The following CSMD1 variants were observed in gnomAD, a reference collection of about 807,000 sequenced individuals.
CSMD1 encodes the protein CUB and sushi domain-containing protein 1.
CSMD1 carries 213 observed loss-of-function variants against 417.5 expected under a neutral mutation model. The observed-to-expected ratio is 0.51, with a 90% CI of 0.46 to 0.57. The LOEUF is 0.57. CSMD1 is among the 20% of genes least tolerant of loss of function. CSMD1 has a pLI of 0.00. For synonymous variants in CSMD1, 2,862 were observed against 1,736.8 expected (o/e 1.65, Z -16.11); for missense variants, 6,923 against 4,529.7 (o/e 1.53, Z -15.17).
At chr8:3,320,838 C>T (rs1461773254) in intron 23 of CSMD1, among the ~76,000 whole-genome samples, 1 of 152,192 alleles carries the variant, frequency 6.6e-6, no homozygotes, top group East Asian at 1.9e-4. Flanking sequence ...CAGGGTCATC[C>T]TGCCTATGGG....
intron 21 of CSMD1, among the ~76,000 whole-genome samples, chr8:3,348,599 G>A (rs1563297297): frequency 6.6e-6 from 1 of 152,054 alleles, no homozygotes; most frequent in Non-Finnish European, 1.5e-5. Flanking sequence ...ACATCTTATG[G>A]CATCAACTGG....
rs1246185133 is a variant in CSMD1 at position 3,289,364 on chromosome 8, A to G, written c.3951-5018T>C. Among the ~76,000 whole-genome samples, 3 of 147,330 alleles carry G rather than the reference A, an allele frequency of 2.0e-5. 1 individual carries two copies. The highest frequency in any genetic ancestry group is 8.1e-5 in the African/African-American group (3 of 37,058). ...CCCAGTAATGGGATGGCTGGGTCAA[A>G]TGGTATTTCTAGTTCTAGATCCCTG... On this transcript the variant is annotated intron_variant, in intron 25 of 69. Transcript: ENST00000635120.
chr8:4,617,196 T>C (rs1801519092), intron 2 of CSMD1, among the ~76,000 whole-genome samples: 1 of 152,192 alleles, frequency 6.6e-6, no homozygotes, highest in Non-Finnish European at 1.5e-5. Flanking sequence ...TTTAATCAAA[T>C]TAGTTTTTGC....
chr8:4,174,235 C>G lies in CSMD1; in HGVS notation c.416-142136G>C, dbSNP rs79711974. The stretch of plus-strand genomic sequence containing the variant: ...CTATGTGAGGACACCGTCTTGAAAG[C>G]AAAGCGCTAAAAAGGAAATGAATCT... On this transcript the variant is annotated intron_variant, in intron 3 of 69. Coordinates refer to ENST00000635120, the MANE Select transcript of CSMD1 (RefSeq NM_033225.6). Among the ~76,000 whole-genome samples, 49 of 152,210 alleles carry G rather than the reference C, an allele frequency of 3.2e-4. 1 individual carries two copies. The East Asian group carries it at 5.2e-3, about 16-fold the overall frequency.
chr8:4,389,514 A>G (rs894056726), intron 3 of CSMD1, among the ~76,000 whole-genome samples: 1 of 152,182 alleles, frequency 6.6e-6, no homozygotes, highest in Non-Finnish European at 1.5e-5. Flanking sequence ...AAAGGATAAT[A>G]TATCAGTCAT....
chr8:3,370,015 T>C (rs139267797), intron 18 of CSMD1, among the ~76,000 whole-genome samples: 6 of 152,334 alleles, frequency 3.9e-5, no homozygotes, highest in African/African-American at 1.2e-4. Flanking sequence ...ATGATTGCCA[T>C]TGTAGAACAC....
intron 1 of CSMD1, among the ~76,000 whole-genome samples, chr8:4,867,366 T>G (rs1046240256): frequency 1.3e-5 from 2 of 152,094 alleles, no homozygotes; most frequent in South Asian, 2.1e-4. Context: ...CTTTAAATAG[T>G]TGGCCAACAC....
chr8:3,819,839 C>T (rs1306928385), intron 5 of CSMD1, among the ~76,000 whole-genome samples: 2 of 152,090 alleles, frequency 1.3e-5, no homozygotes. Flanking sequence ...CCCATCGCAC[C>T]TGGCCTGAAA....
intron 5 of CSMD1, among the ~76,000 whole-genome samples, chr8:3,760,050 A>C (rs1030099091): frequency 6.6e-6 from 1 of 152,118 alleles, no homozygotes; most frequent in Non-Finnish European, 1.5e-5. Context: ...AATCAAACGG[A>C]GCTTGCCAGG....
chr8:4,254,743 A>G (rs150160474), intron 3 of CSMD1, among the ~76,000 whole-genome samples: 1 of 151,786 alleles, frequency 6.6e-6, no homozygotes, highest in Non-Finnish European at 1.5e-5. Flanking sequence ...TCAGATCTGC[A>G]AAGTCTTACC....
rs1167513614 is a variant in CSMD1, at chr8:2,942,670, A to G, written c.10403-66T>C. On this transcript the variant is annotated intron_variant, in intron 68 of 69. Transcript: ENST00000635120. ...TCTGCTTAAACAAATACATATGATAAATTTTGTAAATGGATACGAACTCTT... is the reference window on the plus strand; with the variant it reads ...TCTGCTTAAACAAATACATATGATAGATTTTGTAAATGGATACGAACTCTT... The G allele has an allele frequency of 5.6e-6, 7 of 1,260,368 alleles. No homozygotes were observed. In the African/African-American group the frequency reaches 1.1e-4, roughly 19 times the overall value. The allele number at this position is 1,260,368 out of a possible 1,614,324, so 78.1% of individuals were successfully genotyped here.
chr8:3,643,942 G>A lies in CSMD1; in HGVS notation c.1010-27145C>T, dbSNP rs1214027757. Among the ~76,000 whole-genome samples, 5 of 152,194 alleles carry A rather than the reference G, an allele frequency of 3.3e-5. No individual in the cohort carries two copies. In the East Asian group the frequency reaches 9.6e-4, roughly 29 times the overall value. ...CTAAAGGGATTTGTGTATTTAGTTG[G>A]ATGAAATGTGGTAGATAGGACAATT... On this transcript the variant is annotated intron_variant, in intron 7 of 69. Transcript: ENST00000635120.
intron 8 of CSMD1, among the ~76,000 whole-genome samples, chr8:3,599,891 A>G (rs551781839): frequency 2.8e-4 from 42 of 152,186 alleles, no homozygotes; most frequent in Non-Finnish European, 5.6e-4. Context: ...ATGGTTGACT[A>G]CCTTCCCCTT....
chr8:4,033,043 C>A (rs1797431387), intron 3 of CSMD1, among the ~76,000 whole-genome samples: 1 of 141,680 alleles, frequency 7.1e-6, no homozygotes, highest in African/African-American at 2.6e-5. Flanking sequence ...TTGGTCTCTT[C>A]AATACTTTCT....
At chr8:3,495,659 C>A (rs1371299226) in intron 10 of CSMD1, among the ~76,000 whole-genome samples, 1 of 152,162 alleles carries the variant, frequency 6.6e-6, no homozygotes, top group East Asian at 1.9e-4. Context: ...CAAATATATG[C>A]AGCTGTAAAA....
chr8:4,507,210 A>G (rs148933525), intron 2 of CSMD1, among the ~76,000 whole-genome samples: 2,545 of 152,338 alleles, frequency 0.017, 40 homozygotes, highest in Non-Finnish European at 0.027. Context: ...AGACACAATA[A>G]AAAACCTAGA....
intron 1 of CSMD1, among the ~76,000 whole-genome samples, chr8:4,992,082 G>C (rs1811499357): frequency 6.6e-6 from 1 of 152,250 alleles, no homozygotes; most frequent in South Asian, 2.1e-4. Flanking sequence ...CCAGGTTCTG[G>C]GACCTGCAGC....
intron 5 of CSMD1, among the ~76,000 whole-genome samples, chr8:3,790,400 G>C (rs990239471): frequency 6.6e-6 from 1 of 152,150 alleles, no homozygotes; most frequent in African/African-American, 2.4e-5. Context: ...ATGTTTGACA[G>C]TTATAATGAC....
At chr8:3,540,663 A>G (rs1377294316) in intron 10 of CSMD1, among the ~76,000 whole-genome samples, 1 of 152,204 alleles carries the variant, frequency 6.6e-6, no homozygotes, top group Non-Finnish European at 1.5e-5. Context: ...CAGAATCTAC[A>G]AGGAACTCAA....
Sources: gnomAD v4.1 joint callset for allele counts (sites outside exome capture counted in the v4.1 genomes callset) on GRCh38, gnomAD v4.1.1 for gene constraint, MANE v1.5 for transcripts, NCBI Gene and HGNC (gene_info 2026-07-23, HGNC 2026-07-21) for gene names.